Variants in TYW1B observed in about 807,000 individuals in gnomAD.
The protein encoded by TYW1B is tRNA-yW synthesizing protein 1 homolog B.
In TYW1B, 73 loss-of-function variants were observed where a neutral mutation model predicts 86.9. The ratio of observed to expected loss-of-function variants is 0.84; its 90% CI spans 0.70 to 1.02. The LOEUF (loss-of-function observed/expected upper bound fraction) is 1.02, where lower values mean the gene tolerates loss of function less well. Among genes scored for constraint, TYW1B ranks in the 50% least tolerant of loss-of-function variants. The pLI, the probability that TYW1B is intolerant of heterozygous loss-of-function variation, is 0.00. For missense variants in TYW1B, 637 were observed against 827.4 expected (o/e 0.77, Z 2.82); for synonymous variants, 248 against 292.8 (o/e 0.85, Z 1.56).
At chr7:72,793,756 A>T (rs1788260026) in intron 6 of TYW1B, among the ~76,000 whole-genome samples, 1 of 126,874 alleles carries the variant, frequency 7.9e-6, no homozygotes, top group Non-Finnish European at 1.6e-5. Context: ...CTCCGTCTCA[A>T]AAAAAAAAAA....
Position 72,786,724 on chromosome 7 carries a change from A to G in TYW1B, c.847-9191T>C, listed in dbSNP as rs1254088132. Among the ~76,000 whole-genome samples the G allele has an allele frequency of 2.0e-5, 3 of 151,824 alleles. No individual in the cohort carries two copies. In the East Asian group the frequency reaches 5.8e-4, roughly 29 times the overall value. On this transcript the variant is annotated intron_variant, in intron 6 of 13. Transcript: ENST00000620995. ...CTAGCAGCTGGGATTATAGGCACGC[A>G]CCATCACGCCAAGCTAATTTTTGTA...
chr7:72,717,644 G>GACACACACACACAC (rs71071905), intron 9 of TYW1B, among the ~76,000 whole-genome samples: 15 of 146,202 alleles, frequency 1.0e-4, no homozygotes, highest in South Asian at 6.6e-4. Flanking sequence ...AGCTGTGCTT[G>GACACACACACACAC]ACACACACAC....
intron 11 of TYW1B, among the ~76,000 whole-genome samples, chr7:72,653,894 A>T (rs1813135714): frequency 6.6e-6 from 1 of 152,084 alleles, no homozygotes; most frequent in Admixed American, 6.6e-5. Context: ...AGCCCAACCA[A>T]CATAGCTGAA....
intron 2 of TYW1B, among the ~76,000 whole-genome samples, chr7:72,821,769 G>C (rs1438815873): frequency 6.6e-6 from 1 of 152,154 alleles, no homozygotes; most frequent in Non-Finnish European, 1.5e-5. Flanking sequence ...CAAGCAACTG[G>C]AAGGATAAAG....
At chr7:72,789,811 A>G (rs1788188970) in intron 6 of TYW1B, among the ~76,000 whole-genome samples, 1 of 151,958 alleles carries the variant, frequency 6.6e-6, no homozygotes, top group African/African-American at 2.4e-5. Context: ...TACAAAAGAA[A>G]CCAAATAATC....
intron 10 of TYW1B, among the ~76,000 whole-genome samples, chr7:72,703,016 A>G (rs71517356): frequency 2.3e-4 from 4 of 17,674 alleles, no homozygotes; most frequent in Non-Finnish European, 3.6e-4. Flanking sequence ...ATATATATAT[A>G]TATATATATA....
intron 8 of TYW1B, among the ~76,000 whole-genome samples, chr7:72,732,856 AAACT>A (rs1158828824): frequency 2.0e-5 from 3 of 152,100 alleles, no homozygotes; most frequent in African/African-American, 7.2e-5. Context: ...ACAAACCATT[AAACT>A]AACCAAGAAA....
intron 7 of TYW1B, among the ~76,000 whole-genome samples, chr7:72,759,917 G>C (rs1787658919): frequency 6.6e-6 from 1 of 152,112 alleles, no homozygotes; most frequent in Non-Finnish European, 1.5e-5. Context: ...AAAAGAACTA[G>C]ATAGATGTTT....
chr7:72,604,062 T>C (rs1811739944), intron 13 of TYW1B, among the ~76,000 whole-genome samples: 1 of 152,092 alleles, frequency 6.6e-6, no homozygotes, highest in Non-Finnish European at 1.5e-5. Context: ...CACACCAACA[T>C]AAGATGCTAA....
intron 7 of TYW1B, among the ~76,000 whole-genome samples, chr7:72,764,476 T>A (rs1178631754): frequency 6.6e-6 from 1 of 152,082 alleles, no homozygotes; most frequent in Non-Finnish European, 1.5e-5. Flanking sequence ...ACAGACAGGG[T>A]TTCACCATAT....
intron 7 of TYW1B, among the ~76,000 whole-genome samples, chr7:72,770,907 A>T (rs556073239): frequency 6.6e-6 from 1 of 151,532 alleles, no homozygotes; most frequent in South Asian, 2.1e-4. Context: ...TTAAGAAGCC[A>T]GTTGCAAAAG....
chr7:72,649,036 G>A (rs1434586584), intron 11 of TYW1B, among the ~76,000 whole-genome samples: 2 of 152,184 alleles, frequency 1.3e-5, no homozygotes, highest in Non-Finnish European at 2.9e-5. Context: ...TCCTTTGGAG[G>A]TTGGGAGAAA....
At chr7:72,686,088 A>G (rs2129570074) in intron 11 of TYW1B, among the ~76,000 whole-genome samples, 1 of 152,350 alleles carries the variant, frequency 6.6e-6, no homozygotes, top group East Asian at 1.9e-4. Flanking sequence ...ACAGTGACAG[A>G]AACTCTCATC....
At chr7:72,752,458 G>C (rs915370482) in intron 7 of TYW1B, among the ~76,000 whole-genome samples, 1 of 151,912 alleles carries the variant, frequency 6.6e-6, no homozygotes, top group Non-Finnish European at 1.5e-5. Context: ...AGGCAGAGCA[G>C]GGTGGCTCAA....
chr7:72,648,764 G>A (rs1338466117), intron 11 of TYW1B, among the ~76,000 whole-genome samples: 1 of 152,214 alleles, frequency 6.6e-6, no homozygotes, highest in Non-Finnish European at 1.5e-5. Flanking sequence ...CTTGGTTAGT[G>A]TGCAGGAAGA....
At chr7:72,645,001 G>GA (rs1812893162) in intron 11 of TYW1B, among the ~76,000 whole-genome samples, 1 of 151,926 alleles carries the variant, frequency 6.6e-6, no homozygotes, top group Admixed American at 6.6e-5. Context: ...CTAATTTTTT[G>GA]TATTTTTAGT....
chr7:72,775,727 T>C (rs1275598082), intron 7 of TYW1B, among the ~76,000 whole-genome samples: 2 of 149,718 alleles, frequency 1.3e-5, no homozygotes, highest in African/African-American at 4.9e-5. Flanking sequence ...TAAGTTTAAA[T>C]TAGAAAAAAA....
Position 72,726,777 on chromosome 7 carries a change from A to C in TYW1B, c.1192+2045T>G, listed in dbSNP as rs369302278. Among the ~76,000 whole-genome samples, 26 of 152,290 alleles carry C rather than the reference A, an allele frequency of 1.7e-4. 1 individual carries two copies. In the South Asian group the frequency reaches 5.2e-3, roughly 30 times the overall value. On this transcript the variant is annotated intron_variant, in intron 9 of 13. Transcript: ENST00000620995. ...AGTATGAGCCCATTTTCATACTGCT[A>C]TAAAGAACTGCCGGAGACGGGGTAA... is the stretch of plus-strand genomic sequence containing the variant.
intron 7 of TYW1B, among the ~76,000 whole-genome samples, chr7:72,753,896 G>T (rs1052357055): frequency 6.6e-5 from 10 of 152,012 alleles, no homozygotes; most frequent in Admixed American, 6.6e-4. Flanking sequence ...GTGCAAACAT[G>T]ACTTTTATAG....
Sources: gnomAD v4.1 joint callset for allele counts (sites outside exome capture counted in the v4.1 genomes callset) on GRCh38, gnomAD v4.1.1 for gene constraint, MANE v1.5 for transcripts, NCBI Gene and HGNC (gene_info 2026-07-23, HGNC 2026-07-21) for gene names.